The following ARHGAP8 variants were observed in gnomAD, a reference collection of about 807,000 sequenced individuals.
ARHGAP8 encodes the protein Rho GTPase activating protein 8.
ARHGAP8 carries 62 observed loss-of-function variants against 46.1 expected under a neutral mutation model. The observed-to-expected ratio is 1.34, with a 90% confidence interval of 1.10 to 1.66. The LOEUF (loss-of-function observed/expected upper bound fraction) is 1.66, where lower values mean the gene tolerates loss of function less well. ARHGAP8 is among the 40% of genes most tolerant of loss of function. The pLI, the probability that ARHGAP8 is intolerant of heterozygous loss-of-function variation, is 0.00. For synonymous variants in ARHGAP8, 375 were observed against 243.1 expected, an observed-to-expected ratio of 1.54 and a Z score of -5.05; for missense variants, 923 against 568.4, an observed-to-expected ratio of 1.62 and a Z score of -6.34.
intron 2 of ARHGAP8, among the ~76,000 whole-genome samples, chr22:44,798,522 G>A (rs1928256091): frequency 7.9e-6 from 1 of 126,134 alleles, no homozygotes; most frequent in Non-Finnish European, 1.6e-5. Flanking sequence ...GGTCCAGGGG[G>A]ACTTGCGTTT....
At chr22:44,815,354 A>T (rs748028510) in intron 5 of ARHGAP8, among the ~76,000 whole-genome samples, 4 of 152,106 alleles carry the variant, frequency 2.6e-5, no homozygotes, top group Non-Finnish European at 5.9e-5. Flanking sequence ...GGCTGACCTC[A>T]GCCACTCGGT....
chr22:44,759,208 C>T (rs1319805503), intron 1 of ARHGAP8, among the ~76,000 whole-genome samples: 1 of 152,176 alleles, frequency 6.6e-6, no homozygotes, highest in Non-Finnish European at 1.5e-5. Context: ...GTGTCCCCAG[C>T]CCCGGGTTGG....
chr22:44,789,500 G>A (rs1038213260), intron 2 of ARHGAP8, among the ~76,000 whole-genome samples: 14 of 151,908 alleles, frequency 9.2e-5, no homozygotes, highest in African/African-American at 3.4e-4. Flanking sequence ...ATGACTTCTT[G>A]ATGTATTGAC....
chr22:44,857,385 C>T lies in ARHGAP8; in HGVS notation c.878-2346C>T, dbSNP rs147952209. On this transcript the variant is annotated intron_variant, in intron 10 of 11. Coordinates refer to ENST00000356099, the MANE Select transcript of ARHGAP8 (RefSeq NM_181335.3). ...GGAGGGTCAAAATCTTTTCCTTCTC[C>T]CCATCTTAGGTTCCTTGGTGGGGGC... 3.1e-3 allele frequency among the ~76,000 whole-genome samples: 473 copies of T among 152,254 alleles called. 3 individuals are homozygous for T. Among genetic ancestry groups the T allele is most frequent in the Non-Finnish European group, 4.8e-3 (328 of 68,024 alleles).
chr22:44,759,629 G>T (rs186101564), intron 1 of ARHGAP8, among the ~76,000 whole-genome samples: 8,660 of 149,368 alleles, frequency 0.058, 307 homozygotes, highest in Admixed American at 0.09. Flanking sequence ...ACCCAGCTGC[G>T]CAGAGACTCT....
At chr22:44,850,070 G>T (rs1037744783) in intron 10 of ARHGAP8, 5 of 152,180 alleles carry the variant, frequency 3.3e-5, no homozygotes, top group African/African-American at 4.8e-5. Flanking sequence ...TGTGAGACCA[G>T]CCTGACCTCT....
intron 7 of ARHGAP8, among the ~76,000 whole-genome samples, chr22:44,829,220 G>A (rs1047846462): frequency 4.6e-5 from 7 of 151,278 alleles, no homozygotes; most frequent in Admixed American, 3.3e-4. Context: ...GAACCTGGGA[G>A]GCGGAGGTTT....
chr22:44,845,232 CAG>C, intron 7 of ARHGAP8, 35 bp from the exon 8 acceptor site: 1 of 1,613,328 alleles, frequency 6.2e-7, no homozygotes, highest in Non-Finnish European at 8.5e-7. Flanking sequence ...CCATCAAGCT[CAG>C]GTAAAAACTG....
At chr22:44,793,934 G>C (rs1405801123) in intron 2 of ARHGAP8, among the ~76,000 whole-genome samples, 1 of 152,244 alleles carries the variant, frequency 6.6e-6, no homozygotes, top group African/African-American at 2.4e-5. Flanking sequence ...GGCTTAATAA[G>C]TGGGAAGGTT....
chr22:44,831,736 C>A (rs1445811021), intron 7 of ARHGAP8, among the ~76,000 whole-genome samples: 1 of 152,096 alleles, frequency 6.6e-6, no homozygotes, highest in African/African-American at 2.4e-5. Context: ...TTCCCCCATT[C>A]AGTTGTCTTG....
intron 7 of ARHGAP8, among the ~76,000 whole-genome samples, chr22:44,832,104 C>T (rs1183236022): frequency 2.6e-5 from 4 of 151,570 alleles, no homozygotes; most frequent in Non-Finnish European, 5.9e-5. Context: ...GATGTCTTTC[C>T]ATTTATTTGG....
At chr22:44,800,326 G>A (rs112170235) in intron 2 of ARHGAP8, among the ~76,000 whole-genome samples, 14,623 of 151,858 alleles carry the variant, frequency 0.096, 950 homozygotes, top group East Asian at 0.36. Flanking sequence ...GGCTGGTCTC[G>A]AACTCCTGAC....
Position 44,813,545 on chromosome 22 carries a change from CTT to C in ARHGAP8, c.300-1126_300-1125del, listed in dbSNP as rs539500049. On this transcript the variant is annotated intron_variant, in intron 4 of 11. Transcript: ENST00000356099. ...TATACACACCTACGTATACTATACA[CTT>C]ATATACACATACACCTACATACAAC... Among the ~76,000 whole-genome samples, 117 of 151,882 alleles carry C rather than the reference CTT, an allele frequency of 7.7e-4. 1 individual carries two copies. The highest frequency in any genetic ancestry group is 2.6e-3 in the African/African-American group (109 of 41,342).
At chr22:44,831,348 T>C (rs537111257) in intron 7 of ARHGAP8, among the ~76,000 whole-genome samples, 7 of 152,290 alleles carry the variant, frequency 4.6e-5, no homozygotes, top group African/African-American at 1.7e-4. Context: ...CTACATGTTG[T>C]GAGGTGAGGT....
At chr22:44,800,236 T>G (rs909639372) in intron 2 of ARHGAP8, among the ~76,000 whole-genome samples, 2 of 151,816 alleles carry the variant, frequency 1.3e-5, no homozygotes, top group Non-Finnish European at 2.9e-5. Context: ...CCCAGGTAGC[T>G]AGGACTGTAG....
rs58844974 is a variant in ARHGAP8 at position 44,779,111 on chromosome 22, T to TC, written c.-71-7346_-71-7345insC. ...TTGGTCTCTGACTTTTTTTTTTTTTTTTTTTTGAGACAGAGTCTCACTCTG... is the reference window on the plus strand; with the variant it reads ...TTGGTCTCTGACTTTTTTTTTTTTTTCTTTTTTGAGACAGAGTCTCACTCTG... On this transcript the variant is annotated intron_variant, in intron 1 of 11. Transcript: ENST00000356099. 2.0e-3 allele frequency among the ~76,000 whole-genome samples: 297 copies of TC among 151,092 alleles called. 1 individual carries two copies. Among genetic ancestry groups the TC allele is most frequent in the African/African-American group, 6.7e-3 (277 of 41,272 alleles).
intron 7 of ARHGAP8, among the ~76,000 whole-genome samples, chr22:44,840,166 C>T (rs1250712966): frequency 1.3e-5 from 2 of 152,026 alleles, no homozygotes; most frequent in African/African-American, 2.4e-5. Context: ...TGAACAGTTG[C>T]TTCTGTCAAA....
At chr22:44,794,271 C>A (rs1438471993) in intron 2 of ARHGAP8, among the ~76,000 whole-genome samples, 4 of 151,870 alleles carry the variant, frequency 2.6e-5, no homozygotes, top group Non-Finnish European at 4.4e-5. Flanking sequence ...CTTCCTGTAA[C>A]CCTCCAAGTC....
At chr22:44,825,046 T>A (rs541533081) in intron 6 of ARHGAP8, among the ~76,000 whole-genome samples, 1 of 151,468 alleles carries the variant, frequency 6.6e-6, no homozygotes, top group African/African-American at 2.4e-5. Context: ...AATATTTTAA[T>A]TGAGCATCTA....
Sources: allele counts gnomAD v4.1 joint callset (sites outside exome capture counted in the v4.1 genomes callset), GRCh38; gene constraint gnomAD v4.1.1; transcripts MANE v1.5; gene names NCBI Gene and HGNC (gene_info 2026-07-23, HGNC 2026-07-21).